CHIC2: variants seen among roughly 807,000 people sequenced by gnomAD.
The protein encoded by CHIC2 is cysteine-rich hydrophobic domain-containing protein 2.
Under a neutral mutation model 25.9 loss-of-function variants are expected in CHIC2, and 14 were observed. That is an observed-to-expected ratio of 0.54 (90% CI 0.36 to 0.85). CHIC2 has a LOEUF of 0.85. Among genes scored for constraint, CHIC2 ranks in the 40% least tolerant of loss-of-function variants. The pLI is 0.01. For missense variants in CHIC2, 146 were observed against 202.0 expected (o/e 0.72, Z 1.68); for synonymous variants, 70 against 72.0 (o/e 0.97, Z 0.14).
chr4:54,086,066 C>T, the CHIC2 span, among the ~76,000 whole-genome samples: 1 of 152,180 alleles, frequency 6.6e-6, no homozygotes, highest in East Asian at 1.9e-4. Flanking sequence ...GGTGAGGAAG[C>T]ATCCACCTAG....
chr4:54,062,542 T>A (rs1717369592), intron 1 of CHIC2, among the ~76,000 whole-genome samples: 1 of 152,072 alleles, frequency 6.6e-6, no homozygotes, highest in African/African-American at 2.4e-5. Context: ...TACAATCAAG[T>A]TTACTGATTA....
intron 1 of CHIC2, among the ~76,000 whole-genome samples, chr4:54,052,931 TA>T (rs1362934380): frequency 3.9e-5 from 6 of 152,206 alleles, no homozygotes; most frequent in Admixed American, 1.3e-4. Flanking sequence ...TATTCACAAA[TA>T]TAAATATGTA....
At chr4:54,063,873 G>A (rs1181563676) in intron 1 of CHIC2, among the ~76,000 whole-genome samples, 2 of 152,218 alleles carry the variant, frequency 1.3e-5, no homozygotes. Flanking sequence ...GTCAATACAC[G>A]TACTTCCACC....
At chr4:54,043,871 GAGTCA>G (rs1432257821) in intron 3 of CHIC2, among the ~76,000 whole-genome samples, 1 of 152,172 alleles carries the variant, frequency 6.6e-6, no homozygotes, top group Non-Finnish European at 1.5e-5. Flanking sequence ...ACTGGATGAA[GAGTCA>G]AGACCCATCA....
chr4:54,028,378 T>C (rs545831538), intron 3 of CHIC2, among the ~76,000 whole-genome samples: 21 of 152,316 alleles, frequency 1.4e-4, no homozygotes, highest in African/African-American at 4.8e-4. Context: ...AGCTGTAAGA[T>C]TGGAATTCTA....
chr4:54,064,822 C>T (rs937519647), upstream of CHIC2: 2 of 233,030 alleles, frequency 8.6e-6, no homozygotes, highest in Non-Finnish European at 1.4e-5. The surrounding 1 kb of genome is among the most constrained non-coding windows in gnomAD (Gnocchi z 4.2). Context: ...GCGCTCCCGC[C>T]GGCGGGCCCC....
chr4:54,058,559 T>C (rs4864497), intron 1 of CHIC2, among the ~76,000 whole-genome samples: 35,089 of 137,850 alleles, frequency 0.25, 4,963 homozygotes, highest in Middle Eastern at 0.39. Context: ...TACACACACA[T>C]ACACACACAC....
At chr4:54,048,447 T>C (rs761750211) in intron 3 of CHIC2, among the ~76,000 whole-genome samples, 7 of 152,180 alleles carry the variant, frequency 4.6e-5, no homozygotes, top group Non-Finnish European at 1.0e-4. Context: ...ATTGTAACCA[T>C]TTTATTTCTT....
chr4:54,054,194 G>T (rs2110089307), intron 1 of CHIC2, among the ~76,000 whole-genome samples: 1 of 152,276 alleles, frequency 6.6e-6, no homozygotes, highest in Non-Finnish European at 1.5e-5. Flanking sequence ...AGGAAATTTA[G>T]GTTCACTAAT....
chr4:54,064,329 G>C lies in CHIC2; in HGVS notation c.-29C>G. On this transcript the variant is annotated 5_prime_UTR_variant, in exon 1 of 6. Transcript: ENST00000263921. The surrounding 1 kb of genome is among the most constrained non-coding windows in gnomAD (Gnocchi z 4.2). ...GAGCCTCCGAGCTCCCCTGCCCAAA[G>C]GGCCTGACTCCCGGGGTTGGCGCCG... 1.2e-6 allele frequency: 2 copies of C among 1,612,354 alleles called. No homozygotes were observed. The highest frequency in any genetic ancestry group is 1.7e-6 in the Non-Finnish European group (2 of 1,179,152).
upstream of CHIC2, chr4:54,064,653 T>C (rs1717460733): frequency 2.8e-6 from 3 of 1,055,302 alleles, no homozygotes; most frequent in Admixed American, 5.5e-5. The surrounding 1 kb of genome is among the most constrained non-coding windows in gnomAD (Gnocchi z 4.2). Flanking sequence ...GGCTACGGCA[T>C]CGCGAGACTT....
Position 54,064,460 on chromosome 4 carries a change from G to A in CHIC2, c.-160C>T. 1 of 1,488,444 alleles carries A rather than the reference G, an allele frequency of 6.7e-7. No individual in the cohort carries two copies. The highest frequency in any genetic ancestry group is 1.3e-5 in the South Asian group (1 of 74,522). 92.2% of individuals were successfully genotyped at this position (1,488,444 alleles called of 1,614,324 possible). On this transcript the variant is annotated 5_prime_UTR_variant, in exon 1 of 6. Coordinates refer to ENST00000263921, the MANE Select transcript of CHIC2 (RefSeq NM_012110.4). The surrounding 1 kb of genome is among the most constrained non-coding windows in gnomAD (Gnocchi z 4.2). ...CTGTCTCGGCTCCGGCTACAGAGGG[G>A]ATGGGGTCTGGACCGTCGCCGCCAC...
At chr4:54,081,959 T>C in the CHIC2 span, among the ~76,000 whole-genome samples, 3 of 152,178 alleles carry the variant, frequency 2.0e-5, no homozygotes, top group Admixed American at 6.5e-5. Flanking sequence ...TGGAGAAAGG[T>C]GTCAATGGGA....
chr4:54,081,711 G>T, the CHIC2 span, among the ~76,000 whole-genome samples: 1 of 152,048 alleles, frequency 6.6e-6, no homozygotes, highest in African/African-American at 2.4e-5. Flanking sequence ...GTTTTGGGTT[G>T]CTTGTTGCTG....
intron 3 of CHIC2, among the ~76,000 whole-genome samples, chr4:54,016,821 T>C (rs1023695926): frequency 6.6e-6 from 1 of 151,192 alleles, no homozygotes; most frequent in African/African-American, 2.4e-5. Flanking sequence ...GTGACAAGTA[T>C]ATAGATTCTA....
At chr4:54,050,144 T>G (rs1716958948) in intron 1 of CHIC2, among the ~76,000 whole-genome samples, 1 of 152,150 alleles carries the variant, frequency 6.6e-6, no homozygotes, top group Non-Finnish European at 1.5e-5. Context: ...AACACTTCAG[T>G]GCAGGCTTTT....
chr4:54,010,185 A>C (rs1053814583), intron 5 of CHIC2, 40 bp from the exon 6 acceptor site: 23 of 1,466,718 alleles, frequency 1.6e-5, no homozygotes, highest in Admixed American at 3.9e-5. Context: ...AGATTTAAAC[A>C]AAATTTTTTC....
the CHIC2 span, among the ~76,000 whole-genome samples, chr4:54,091,807 T>A: frequency 1.3e-5 from 2 of 152,186 alleles, no homozygotes; most frequent in Non-Finnish European, 2.9e-5. Context: ...ACAGTACACT[T>A]ATGCTCGCGC....
intron 3 of CHIC2, among the ~76,000 whole-genome samples, chr4:54,037,269 A>T (rs1195704896): frequency 6.6e-6 from 1 of 152,046 alleles, no homozygotes; most frequent in African/African-American, 2.4e-5. Context: ...GGATGAGTGG[A>T]GCCTGGGAAG....
Sources: gnomAD v4.1 joint callset for allele counts (sites outside exome capture counted in the v4.1 genomes callset) on GRCh38, gnomAD v4.1.1 for gene constraint, Gnocchi (gnomAD v3.1) non-coding constraint, MANE v1.5 for transcripts, NCBI Gene and HGNC (gene_info 2026-07-23, HGNC 2026-07-21) for gene names.